KIAA1217: variants seen among roughly 807,000 people sequenced by gnomAD.
KIAA1217 encodes sickle tail protein homolog.
KIAA1217 carries 88 observed loss-of-function variants against 163.9 expected under a neutral mutation model. The ratio of observed to expected loss-of-function variants is 0.54; its 90% CI spans 0.45 to 0.64. The LOEUF (loss-of-function observed/expected upper bound fraction) is 0.64. Among genes scored for constraint, KIAA1217 ranks in the 30% least tolerant of loss-of-function variants. KIAA1217 has a pLI of 0.00. For missense variants in KIAA1217, 2,372 were observed against 2,475.0 expected, an observed-to-expected ratio of 0.96 and a Z score of 0.88; for synonymous variants, 903 against 923.1, an observed-to-expected ratio of 0.98 and a Z score of 0.39.
At chr10:24,521,680 G>A in intron 11 of KIAA1217, 102 bp from the exon 12 acceptor site, 3 of 1,406,396 alleles carry the variant, frequency 2.1e-6, no homozygotes, top group Non-Finnish European at 2.9e-6. Flanking sequence ...CCACCCTGTG[G>A]CTTGTGAACT....
chr10:23,745,003 C>CA (rs985790940), intron 1 of KIAA1217, among the ~76,000 whole-genome samples: 14 of 151,630 alleles, frequency 9.2e-5, no homozygotes, highest in African/African-American at 2.7e-4. Context: ...TAGGATCACC[C>CA]AAAAAAAATC....
chr10:23,906,273 C>CACAA (rs1842160580), intron 1 of KIAA1217, among the ~76,000 whole-genome samples: 1 of 151,714 alleles, frequency 6.6e-6, no homozygotes, highest in African/African-American at 2.4e-5. Flanking sequence ...CACACACACA[C>CACAA]AAAAATACAC....
chr10:24,497,827 G>T (rs1310718995), intron 8 of KIAA1217, among the ~76,000 whole-genome samples: 1 of 151,044 alleles, frequency 6.6e-6, no homozygotes, highest in Non-Finnish European at 1.5e-5. Context: ...AGACTCAGAA[G>T]TGGGCAGGGT....
intron 1 of KIAA1217, among the ~76,000 whole-genome samples, chr10:23,867,874 A>G (rs187681268): frequency 3.3e-5 from 5 of 152,178 alleles, no homozygotes; most frequent in South Asian, 4.1e-4. Flanking sequence ...CCATTTGTCA[A>G]TTTTGGCTTT....
At chr10:24,300,057 A>G (rs1181483584) in intron 2 of KIAA1217, among the ~76,000 whole-genome samples, 1 of 152,190 alleles carries the variant, frequency 6.6e-6, no homozygotes, top group Non-Finnish European at 1.5e-5. Context: ...GAGGGTAGTC[A>G]CCAACCTTTA....
chr10:23,977,349 A>G (rs991423964), intron 1 of KIAA1217, among the ~76,000 whole-genome samples: 2 of 152,188 alleles, frequency 1.3e-5, no homozygotes, highest in Admixed American at 1.3e-4. Context: ...GGGAGGGCAA[A>G]TATCATTACC....
chr10:24,252,943 G>A (rs4748933), intron 2 of KIAA1217, among the ~76,000 whole-genome samples: 109,669 of 151,414 alleles, frequency 0.72, 39,921 homozygotes, highest in Admixed American at 0.79. Context: ...GATTGAGCCC[G>A]GGAGTTTGAG....
At chr10:24,281,746 T>C (rs749580247) in intron 2 of KIAA1217, among the ~76,000 whole-genome samples, 2 of 151,966 alleles carry the variant, frequency 1.3e-5, no homozygotes, top group African/African-American at 2.4e-5. Context: ...ATTCTCATTA[T>C]ATCATTATAT....
chr10:23,822,849 A>G (rs1309950570), intron 1 of KIAA1217, among the ~76,000 whole-genome samples: 1 of 152,206 alleles, frequency 6.6e-6, no homozygotes, highest in East Asian at 1.9e-4. Flanking sequence ...CTAGATTACT[A>G]AGTTTATCCT....
intron 2 of KIAA1217, among the ~76,000 whole-genome samples, chr10:24,090,086 A>T (rs2061865611): frequency 6.6e-6 from 1 of 151,522 alleles, no homozygotes; most frequent in South Asian, 2.1e-4. Flanking sequence ...CTGCCGTCTA[A>T]AGTGGGGAGA....
chr10:23,898,131 G>A (rs1274495242), intron 1 of KIAA1217, among the ~76,000 whole-genome samples: 3 of 152,016 alleles, frequency 2.0e-5, no homozygotes, highest in Non-Finnish European at 2.9e-5. Flanking sequence ...TACTGAACAA[G>A]CTGCACATAA....
intron 1 of KIAA1217, among the ~76,000 whole-genome samples, chr10:23,937,075 G>A (rs1163856054): frequency 4.6e-5 from 7 of 152,126 alleles, no homozygotes; most frequent in Middle Eastern, 3.4e-3. Flanking sequence ...GGTTTTCGCC[G>A]TGTTAGGCAG....
rs1835720679 is a variant in KIAA1217, at chr10:23,790,212, T to TGC, written c.-321+94978_-321+94979insGC. ...ATATACACATATGCATATACACATATACACATATGCATATGCACATATGCA... is the reference window on the plus strand; with the variant it reads ...ATATACACATATGCATATACACATATGCACACATATGCATATGCACATATGCA... On this transcript the variant is annotated intron_variant, in intron 1 of 18. Coordinates refer to the KIAA1217 transcript ENST00000376462. Among the ~76,000 whole-genome samples, 13 of 104,804 alleles carry TGC rather than the reference T, an allele frequency of 1.2e-4. 4 individuals are homozygous for TGC. Among genetic ancestry groups the TGC allele is most frequent in the East Asian group, 2.8e-4 (1 of 3,582 alleles). The allele number at this position is 104,804 out of a possible 152,430, so 68.8% of individuals were successfully genotyped here.
chr10:24,138,593 C>T (rs547669795), intron 2 of KIAA1217, among the ~76,000 whole-genome samples: 17 of 149,458 alleles, frequency 1.1e-4, no homozygotes, highest in South Asian at 4.3e-4. Context: ...ATTATATAAT[C>T]GACTTAGTTA....
intron 1 of KIAA1217, among the ~76,000 whole-genome samples, chr10:23,959,814 C>T (rs1283104638): frequency 6.6e-6 from 1 of 151,264 alleles, no homozygotes; most frequent in Non-Finnish European, 1.5e-5. Context: ...ATCTCCTTGT[C>T]TTCGAGGATA....
At chr10:24,516,458 G>T (rs928748132) in intron 10 of KIAA1217, among the ~76,000 whole-genome samples, 1 of 152,234 alleles carries the variant, frequency 6.6e-6, no homozygotes, top group East Asian at 1.9e-4. Flanking sequence ...AAGTTCCGGG[G>T]TTCAACCCCA....
chr10:24,209,107 G>T, upstream of KIAA1217: 1 of 1,158,468 alleles, frequency 8.6e-7, no homozygotes. Flanking sequence ...CCAGCCCCGG[G>T]CCCCCTCCCA....
At chr10:24,380,092 G>A (rs1399580935) in intron 2 of KIAA1217, among the ~76,000 whole-genome samples, 1 of 151,984 alleles carries the variant, frequency 6.6e-6, no homozygotes, top group Non-Finnish European at 1.5e-5. Flanking sequence ...CTTGCAATGT[G>A]AGTTTACTGA....
At chr10:24,009,991 C>T (rs1222026132) in intron 2 of KIAA1217, among the ~76,000 whole-genome samples, 1 of 152,084 alleles carries the variant, frequency 6.6e-6, no homozygotes, top group Admixed American at 6.6e-5. Context: ...ATAGATAAGA[C>T]TTTTGATCTG....
Sources: allele counts gnomAD v4.1 joint callset (sites outside exome capture counted in the v4.1 genomes callset), GRCh38; gene constraint gnomAD v4.1.1; transcripts MANE v1.5; gene names NCBI Gene and HGNC (gene_info 2026-07-23, HGNC 2026-07-21).